SORBS2: variants seen among roughly 807,000 people sequenced by gnomAD.
SORBS2 encodes the protein sorbin and SH3 domain-containing protein 2.
Under a neutral mutation model 97.7 loss-of-function variants are expected in SORBS2, and 46 were observed. The observed-to-expected ratio is 0.47, with a 90% CI of 0.37 to 0.60. The LOEUF is 0.60. Among genes scored for constraint, SORBS2 ranks in the 20% least tolerant of loss-of-function variants. The pLI, the probability that SORBS2 is intolerant of heterozygous loss-of-function variation, is 0.00. For synonymous variants in SORBS2, 476 were observed against 473.4 expected (o/e 1.01, Z -0.07); for missense variants, 1,316 against 1,282.3 (o/e 1.03, Z -0.40).
chr4:185,653,817 C>A (rs901353304), intron 1 of SORBS2, among the ~76,000 whole-genome samples: 1 of 152,322 alleles, frequency 6.6e-6, no homozygotes, highest in Non-Finnish European at 1.5e-5. Context: ...CTTACCCCAA[C>A]TCTCTGAGAG....
chr4:185,665,761 G>T, intron 4 of SORBS2: 3 of 1,048,100 alleles, frequency 2.9e-6, no homozygotes, highest in Non-Finnish European at 3.5e-6. Flanking sequence ...GGTTAAGGTG[G>T]TGCCATCTGT....
At chr4:185,705,660 C>T (rs1189430427) in intron 2 of SORBS2, among the ~76,000 whole-genome samples, 1 of 152,176 alleles carries the variant, frequency 6.6e-6, no homozygotes, top group East Asian at 1.9e-4. Context: ...TACACTCAGC[C>T]TCTAACAATA....
At chr4:185,767,454 C>T (rs1306716306) in intron 2 of SORBS2, among the ~76,000 whole-genome samples, 9 of 133,572 alleles carry the variant, frequency 6.7e-5, no homozygotes, top group Admixed American at 3.3e-4. Flanking sequence ...GAGCCGAGAT[C>T]GCGCCCCTGC....
intron 2 of SORBS2, among the ~76,000 whole-genome samples, chr4:185,768,708 AAAAC>A (rs1180490959): frequency 1.4e-4 from 14 of 102,570 alleles, no homozygotes; most frequent in Non-Finnish European, 1.8e-4. Context: ...CAAAAAAAAA[AAAAC>A]AAAAAAACAA....
chr4:185,731,435 A>G, intron 2 of SORBS2, among the ~76,000 whole-genome samples: 1 of 147,372 alleles, frequency 6.8e-6, no homozygotes, highest in Admixed American at 6.7e-5. Context: ...GGCTTTTAGA[A>G]AGTGTTCTCT....
intron 4 of SORBS2, chr4:185,638,104 A>G: frequency 6.2e-7 from 1 of 1,610,362 alleles, no homozygotes; most frequent in Non-Finnish European, 8.5e-7. Context: ...CAGTTCTGAA[A>G]AGAATTTATA....
At chr4:185,666,212 T>C in intron 4 of SORBS2, 1 of 1,262,556 alleles carries the variant, frequency 7.9e-7, no homozygotes, top group Non-Finnish European at 1.0e-6. Flanking sequence ...CCAAGCTGAG[T>C]ATGAGGAAAA....
Position 185,779,123 on chromosome 4 carries a change from C to T in SORBS2, c.-337-3757G>A, listed in dbSNP as rs1427481709. On this transcript the variant is annotated intron_variant, in intron 1 of 20. Coordinates refer to the SORBS2 transcript ENST00000284776. ...TTCCAATTCTATATGCAAAGACCAT[C>T]TGCAGCTTTGCTTCTCACTTTCTTG... 2.0e-5 allele frequency among the ~76,000 whole-genome samples: 3 copies of T among 152,250 alleles called. No individual in the cohort carries two copies. In the East Asian group the frequency reaches 5.8e-4, roughly 29 times the overall value.
At chr4:185,646,676 C>T in exon 4 of SORBS2, 1 of 1,607,086 alleles carries the variant, frequency 6.2e-7, no homozygotes, top group Non-Finnish European at 8.5e-7. Flanking sequence ...ACTGGTCTTT[C>T]ATGCTGAAGA....
chr4:185,597,511 A>C (rs749599961), intron 12 of SORBS2, among the ~76,000 whole-genome samples: 46 of 152,220 alleles, frequency 3.0e-4, no homozygotes, highest in Non-Finnish European at 5.6e-4. Context: ...TTAATACGAC[A>C]AATAGGTAAA....
chr4:185,810,871 T>C (rs963900162), intron 1 of SORBS2: 1 of 152,200 alleles, frequency 6.6e-6, no homozygotes, highest in African/African-American at 2.4e-5. Flanking sequence ...GGTTTCACTC[T>C]TTATCTCTGA....
intron 1 of SORBS2, among the ~76,000 whole-genome samples, chr4:185,843,460 G>A (rs2099212818): frequency 6.6e-6 from 1 of 152,102 alleles, no homozygotes; most frequent in Non-Finnish European, 1.5e-5. Flanking sequence ...TCAAAGATAT[G>A]CAAACAAGCT....
At chr4:185,762,049 A>G (rs1454963976) in intron 2 of SORBS2, among the ~76,000 whole-genome samples, 1 of 152,222 alleles carries the variant, frequency 6.6e-6, no homozygotes, top group African/African-American at 2.4e-5. Flanking sequence ...GAATGGATGT[A>G]AAGTGTAGTC....
chr4:185,748,414 A>T (rs2098777619), intron 2 of SORBS2, among the ~76,000 whole-genome samples: 1 of 152,164 alleles, frequency 6.6e-6, no homozygotes, highest in African/African-American at 2.4e-5. Context: ...CATCAATCTT[A>T]TTCTTCCACA....
chr4:185,638,666 A>C, intron 4 of SORBS2, among the ~76,000 whole-genome samples: 3 of 44,884 alleles, frequency 6.7e-5, no homozygotes, highest in African/African-American at 1.7e-4. Flanking sequence ...GGGATGGGGA[A>C]GGGTGCGGGA....
At chr4:185,704,652 G>C (rs1301877630) in intron 2 of SORBS2, among the ~76,000 whole-genome samples, 1 of 151,446 alleles carries the variant, frequency 6.6e-6, no homozygotes, top group African/African-American at 2.5e-5. Context: ...TAATCAAAAA[G>C]TTTGAGAGCC....
At chr4:185,660,513 G>T (rs1043839540), upstream of SORBS2, among the ~76,000 whole-genome samples, 1 of 152,174 alleles carries the variant, frequency 6.6e-6, no homozygotes, top group Non-Finnish European at 1.5e-5. Flanking sequence ...TAGCATCAGC[G>T]AAGGCACAGA....
At chr4:185,678,958 A>C in intron 2 of SORBS2, 136 bp from the exon 6 acceptor site, 1 of 456,058 alleles carries the variant, frequency 2.2e-6, no homozygotes, top group Non-Finnish European at 3.9e-6. Flanking sequence ...TATGTCAAAC[A>C]TGCCAAAGGG....
In SORBS2 at chr4:185,863,647, C is replaced by T. The variant is rs149411978; in HGVS notation, c.-337-88281G>A. Among the ~76,000 whole-genome samples, 843 of 152,214 alleles carry T rather than the reference C, an allele frequency of 5.5e-3. 9 individuals are homozygous for T. The highest frequency in any genetic ancestry group is 0.019 in the African/African-American group (801 of 41,532). On this transcript the variant is annotated intron_variant, in intron 1 of 20. Transcript: ENST00000284776. ...TCCTTCTTCTTGTTTAGAATTAAACCTCCAGTTTTAATGGTATTTTTATGA... is the reference window on the plus strand; with the variant it reads ...TCCTTCTTCTTGTTTAGAATTAAACTTCCAGTTTTAATGGTATTTTTATGA...
Sources: allele counts gnomAD v4.1 joint callset (sites outside exome capture counted in the v4.1 genomes callset), GRCh38; gene constraint gnomAD v4.1.1; transcripts MANE v1.5; gene names NCBI Gene and HGNC (gene_info 2026-07-23, HGNC 2026-07-21).